The following TBC1D4 variants were observed in gnomAD, a reference collection of about 807,000 sequenced individuals.
The protein encoded by TBC1D4 is TBC (Tre-2, BUB2, CDC16) domain-containing protein.
TBC1D4 carries 121 observed loss-of-function variants against 142.5 expected under a neutral mutation model. The ratio of observed to expected loss-of-function variants is 0.85; its 90% CI spans 0.73 to 0.99. TBC1D4 has a LOEUF of 0.99. Ranked by LOEUF, TBC1D4 falls within the 50% of genes least tolerant of loss-of-function variation. The probability of loss-of-function intolerance (pLI) is 0.00; values close to 1 mark genes in which losing one functional copy is unlikely to be tolerated. For synonymous variants in TBC1D4, 630 were observed against 628.2 expected (o/e 1.00, Z -0.04); for missense variants, 1,475 against 1,606.6 (o/e 0.92, Z 1.40).
At chr13:75,449,795 G>A (rs571420925) in intron 1 of TBC1D4, among the ~76,000 whole-genome samples, 3 of 152,150 alleles carry the variant, frequency 2.0e-5, no homozygotes, top group Non-Finnish European at 2.9e-5. Context: ...ATGTTGGCGA[G>A]GCTGGTCTTG....
rs150479722 is a variant in TBC1D4, at chr13:75,407,191, C to T, written c.499-44584G>A. On this transcript the variant is annotated intron_variant, in intron 1 of 20. Transcript: ENST00000377636. ...TAGCCATTCATCTCCTGCACATCTA[C>T]GTTCAACAAACTCAACAGCATTCCA... Among the ~76,000 whole-genome samples the T allele has an allele frequency of 4.0e-3, 611 of 152,306 alleles. 12 individuals are homozygous for T. Among genetic ancestry groups the T allele is most frequent in the Admixed American group, 0.037 (569 of 15,296 alleles).
rs1876280799 is a variant in TBC1D4, at chr13:75,299,384, G to A, written c.3102C>T (p.Leu1034=). 6.2e-7 allele frequency: 1 copy of A among 1,614,032 alleles called. No homozygotes were observed. Among genetic ancestry groups the A allele is most frequent in the African/African-American group, 1.3e-5 (1 of 74,924 alleles). ...EEQAFEMLKF[L]MYDLGFRKQY... ...GCTTGCGGAAGCCGAGGTCATACAT[G>A]AGGAATTTCAGCATTTCAAAGGCTT... Residue 1034 remains leucine (L), a synonymous_variant, in exon 17 of 21, where the codon CTC becomes CTT. Transcript: ENST00000377636.
intron 14 of TBC1D4, among the ~76,000 whole-genome samples, chr13:75,307,179 CT>C (rs1229566988): frequency 6.6e-5 from 10 of 152,190 alleles, no homozygotes; most frequent in African/African-American, 2.2e-4. Context: ...CCAGGCTGGT[CT>C]TAAACTCCTG....
intron 4 of TBC1D4, among the ~76,000 whole-genome samples, chr13:75,352,247 ATG>A (rs1303723508): frequency 6.6e-6 from 1 of 152,168 alleles, no homozygotes; most frequent in Non-Finnish European, 1.5e-5. Flanking sequence ...TCAATATCAG[ATG>A]TAAGAGAAAG....
intron 1 of TBC1D4, among the ~76,000 whole-genome samples, chr13:75,439,364 C>T (rs1207066307): frequency 3.3e-5 from 5 of 152,108 alleles, no homozygotes; most frequent in Admixed American, 3.3e-4. Context: ...ACTTTATCAT[C>T]TGCCTGAAGT....
intron 1 of TBC1D4, among the ~76,000 whole-genome samples, chr13:75,480,869 ACACG>A (rs1170473301): frequency 2.6e-5 from 3 of 113,380 alleles, no homozygotes; most frequent in Non-Finnish European, 3.7e-5. Flanking sequence ...GCTCGCGCGC[ACACG>A]CACGCACACA....
At chr13:75,465,182 C>T (rs1835053540) in intron 1 of TBC1D4, among the ~76,000 whole-genome samples, 1 of 152,144 alleles carries the variant, frequency 6.6e-6, no homozygotes. Context: ...AGCCTGGAGT[C>T]CCAGCAGTCG....
intron 1 of TBC1D4, among the ~76,000 whole-genome samples, chr13:75,408,112 A>G (rs1255124320): frequency 6.6e-6 from 1 of 152,086 alleles, no homozygotes; most frequent in Non-Finnish European, 1.5e-5. Flanking sequence ...GCACCTCCAT[A>G]TCTGGACCTT....
chr13:75,322,472 T>C (rs1037545976), intron 11 of TBC1D4, among the ~76,000 whole-genome samples: 13 of 152,164 alleles, frequency 8.5e-5, no homozygotes, highest in Admixed American at 5.2e-4. Flanking sequence ...TGGGAAGCTA[T>C]TGGCAAAAAG....
chr13:75,342,656 T>A (rs555486), intron 5 of TBC1D4, among the ~76,000 whole-genome samples: 9,707 of 151,990 alleles, frequency 0.064, 918 homozygotes, highest in African/African-American at 0.2. Flanking sequence ...AATTTTTTTT[T>A]AAAAAAGAAA....
chr13:75,382,370 G>A (rs895720452), intron 1 of TBC1D4, among the ~76,000 whole-genome samples: 2 of 152,056 alleles, frequency 1.3e-5, no homozygotes, highest in African/African-American at 4.8e-5. Context: ...AAATTACACT[G>A]GGCTGCTTGC....
chr13:75,285,573 T>C lies in TBC1D4; in HGVS notation c.*1219A>G, dbSNP rs1043456166. 7 of 152,558 alleles carry C rather than the reference T, an allele frequency of 4.6e-5. No individual in the cohort carries two copies. The East Asian group carries it at 5.8e-4, about 13-fold the overall frequency. The allele number at this position is 152,558 out of a possible 1,614,324, so 9.5% of individuals were successfully genotyped here. A position where few individuals can be genotyped will look rare whatever the true frequency, so the allele number is the denominator to read the frequency against. On this transcript the variant is annotated 3_prime_UTR_variant, in exon 21 of 21. Transcript: ENST00000377636. The stretch of plus-strand genomic sequence containing the variant: ...ATTTGTAGGCTGAGGAAGTGAAGAG[T>C]TGAAATGCAGAATTGCAGGTTTTAG...
chr13:75,359,216 TC>T (rs1420226725), intron 3 of TBC1D4, among the ~76,000 whole-genome samples: 1 of 152,232 alleles, frequency 6.6e-6, no homozygotes, highest in Admixed American at 6.5e-5. Flanking sequence ...CTCTTCAATG[TC>T]TAATATAATC....
At chr13:75,380,464 C>T (rs1276922962) in intron 1 of TBC1D4, among the ~76,000 whole-genome samples, 3 of 151,130 alleles carry the variant, frequency 2.0e-5, no homozygotes, top group African/African-American at 7.3e-5. Flanking sequence ...AAGAGCAAAA[C>T]TCCATCTCCA....
At chr13:75,350,555 A>G (rs1375162788) in intron 4 of TBC1D4, among the ~76,000 whole-genome samples, 1 of 152,206 alleles carries the variant, frequency 6.6e-6, no homozygotes, top group Admixed American at 6.5e-5. Flanking sequence ...ATTCTTGAAA[A>G]TAAAAGCACT....
At chr13:75,452,923 G>A (rs935932185) in intron 1 of TBC1D4, among the ~76,000 whole-genome samples, 2 of 152,150 alleles carry the variant, frequency 1.3e-5, no homozygotes, top group African/African-American at 4.8e-5. Context: ...TCAGGGGATA[G>A]CGTCTCGAGG....
intron 19 of TBC1D4, 40 bp from the exon 20 acceptor site, chr13:75,289,150 T>G (rs766027326): frequency 6.2e-7 from 1 of 1,607,716 alleles, no homozygotes. Context: ...GCCTTTGGTA[T>G]GTATAACAAG....
At position 75,449,532 on chromosome 13, in the gene TBC1D4, A is replaced by AACACACACAC. The variant is rs34025489; in HGVS notation, c.498+31728_498+31737dup. Among the ~76,000 whole-genome samples the AACACACACAC allele has an allele frequency of 1.0e-3, 151 of 149,278 alleles. 3 individuals are homozygous for AACACACACAC. In the East Asian group the frequency reaches 0.019, roughly 19 times the overall value. The stretch of plus-strand genomic sequence containing the variant: ...AACTGAAACCTGAAAGTGAAACTGC[A>AACACACACAC]ACACACACACACACACACACACAGA... On this transcript the variant is annotated intron_variant, in intron 1 of 20. Transcript: ENST00000377636.
At chr13:75,470,985 C>CAA (rs531398241) in intron 1 of TBC1D4, among the ~76,000 whole-genome samples, 9 of 118,632 alleles carry the variant, frequency 7.6e-5, no homozygotes, top group African/African-American at 8.9e-5. Context: ...GCCCCTGTAT[C>CAA]AAAAAAAAAA....
Sources: gnomAD v4.1 joint callset for allele counts (sites outside exome capture counted in the v4.1 genomes callset) on GRCh38, gnomAD v4.1.1 for gene constraint, MANE v1.5 for transcripts, NCBI Gene and HGNC (gene_info 2026-07-23, HGNC 2026-07-21) for gene names.